FAM174B: variants seen among roughly 807,000 people sequenced by gnomAD.
The protein encoded by FAM174B is family with sequence similarity 174 member B.
FAM174B carries 12 observed loss-of-function variants against 10.9 expected under a neutral mutation model. That is an observed-to-expected ratio of 1.10 (90% CI 0.71 to 1.79). The LOEUF (loss-of-function observed/expected upper bound fraction) is 1.79, where lower values mean the gene tolerates loss of function less well. Among genes scored for constraint, FAM174B ranks in the 40% most tolerant of loss-of-function variants. The pLI, the probability that FAM174B is intolerant of heterozygous loss-of-function variation, is 0.00. For synonymous variants in FAM174B, 132 were observed against 115.8 expected, an observed-to-expected ratio of 1.14 and a Z score of -0.90; for missense variants, 266 against 233.3, an observed-to-expected ratio of 1.14 and a Z score of -0.91.
At chr15:92,626,774 C>T (rs533641651) in intron 2 of FAM174B, among the ~76,000 whole-genome samples, 2 of 152,092 alleles carry the variant, frequency 1.3e-5, no homozygotes, top group East Asian at 1.9e-4. Context: ...AAGTGCTGGC[C>T]GGGCGCCATG....
At chr15:92,640,320 G>A (rs1307583213) in intron 1 of FAM174B, among the ~76,000 whole-genome samples, 2 of 152,092 alleles carry the variant, frequency 1.3e-5, no homozygotes, top group African/African-American at 4.8e-5. Flanking sequence ...GGGAGGCTGA[G>A]GTGGGCAGAT....
At chr15:92,636,081 C>T (rs1000088523) in intron 1 of FAM174B, among the ~76,000 whole-genome samples, 3 of 152,258 alleles carry the variant, frequency 2.0e-5, no homozygotes, top group Non-Finnish European at 4.4e-5. Context: ...AGAGTGCATT[C>T]GAAGCCTAAA....
chr15:92,620,312 C>T (rs1186788377), intron 2 of FAM174B, among the ~76,000 whole-genome samples: 1 of 152,192 alleles, frequency 6.6e-6, no homozygotes, highest in African/African-American at 2.4e-5. Flanking sequence ...TCCTGGCTAA[C>T]ATGGTGAAAC....
intron 1 of FAM174B, among the ~76,000 whole-genome samples, chr15:92,647,698 C>A (rs2050937847): frequency 6.6e-6 from 1 of 152,142 alleles, no homozygotes; most frequent in East Asian, 1.9e-4. Flanking sequence ...AGACAGCAGG[C>A]CCTGAAGGAA....
At chr15:92,629,329 C>T (rs766872275) in intron 2 of FAM174B, among the ~76,000 whole-genome samples, 3 of 152,314 alleles carry the variant, frequency 2.0e-5, no homozygotes, top group Non-Finnish European at 4.4e-5. Context: ...TCAAAATGAT[C>T]TGAAAACCCA....
chr15:92,630,995 A>G (rs1382250775), intron 1 of FAM174B, among the ~76,000 whole-genome samples: 3 of 976 alleles, frequency 3.1e-3, no homozygotes, highest in African/African-American at 3.4e-3. Context: ...TATATTACGT[A>G]TTACATATTA....
chr15:92,631,589 G>C (rs926617200), intron 1 of FAM174B, among the ~76,000 whole-genome samples: 1 of 140,168 alleles, frequency 7.1e-6, no homozygotes, highest in African/African-American at 2.7e-5. Flanking sequence ...CCGCCTCCCG[G>C]GTTCACACCA....
intron 1 of FAM174B, among the ~76,000 whole-genome samples, chr15:92,647,775 G>C (rs990829837): frequency 6.6e-6 from 1 of 152,180 alleles, no homozygotes; most frequent in Non-Finnish European, 1.5e-5. Flanking sequence ...TCTTTTGTGG[G>C]AAAATTTTTG....
intron 2 of FAM174B, among the ~76,000 whole-genome samples, chr15:92,620,540 C>T (rs1156598908): frequency 6.6e-6 from 1 of 151,712 alleles, no homozygotes; most frequent in Non-Finnish European, 1.5e-5. Flanking sequence ...TGTGGCCAGG[C>T]TTGGTGGCTT....
chr15:92,621,595 A>C (rs2050719706), intron 2 of FAM174B, among the ~76,000 whole-genome samples: 1 of 143,192 alleles, frequency 7.0e-6, no homozygotes, highest in South Asian at 2.3e-4. Flanking sequence ...TGGGTGACAG[A>C]GCAAGATCGT....
At chr15:92,647,261 C>G (rs868121757) in intron 1 of FAM174B, among the ~76,000 whole-genome samples, 3 of 152,194 alleles carry the variant, frequency 2.0e-5, no homozygotes, top group African/African-American at 7.2e-5. Context: ...CCTCTTCTTC[C>G]TCCCATCCTG....
At chr15:92,644,883 C>CGG (rs2050915824) in intron 1 of FAM174B, among the ~76,000 whole-genome samples, 1 of 152,246 alleles carries the variant, frequency 6.6e-6, no homozygotes, top group Non-Finnish European at 1.5e-5. Context: ...CATGTATCCC[C>CGG]ACCTGTCAAA....
In FAM174B at chr15:92,634,914, G is replaced by A. The variant is rs142417476; in HGVS notation, c.345-4569C>T. ...CTCCTGTCTAACTGCCTTCCAACTGGGACATCAGTTTTTTTCCTGCCTTGG... is the reference window on the plus strand; with the variant it reads ...CTCCTGTCTAACTGCCTTCCAACTGAGACATCAGTTTTTTTCCTGCCTTGG... On this transcript the variant is annotated intron_variant, in intron 1 of 2. Transcript: ENST00000327355. Among the ~76,000 whole-genome samples, 424 of 151,552 alleles carry A rather than the reference G, an allele frequency of 2.8e-3. 2 individuals carry two copies. The highest frequency in any genetic ancestry group is 4.9e-3 in the Non-Finnish European group (332 of 67,726).
At chr15:92,630,740 A>AT (rs1259214344) in intron 1 of FAM174B, among the ~76,000 whole-genome samples, 2 of 93,604 alleles carry the variant, frequency 2.1e-5, no homozygotes, top group African/African-American at 8.6e-5. Flanking sequence ...ATAATTATAT[A>AT]TTTTTTATAT....
At chr15:92,630,440 T>C (rs560241471) in intron 1 of FAM174B, 95 bp from the exon 2 acceptor site, 1 of 1,197,572 alleles carries the variant, frequency 8.4e-7, no homozygotes, top group African/African-American at 1.5e-5. Flanking sequence ...ACTTAGCAGC[T>C]GGTGTTTAGT....
Position 92,620,613 on chromosome 15 carries a change from G to A in FAM174B, c.477-1154C>T, listed in dbSNP as rs574532020. Among the ~76,000 whole-genome samples, 301 of 152,202 alleles carry A rather than the reference G, an allele frequency of 2.0e-3. 3 individuals are homozygous for A. Among genetic ancestry groups the A allele is most frequent in the African/African-American group, 6.6e-3 (274 of 41,536 alleles). ...GTGGATCACTTGAGGTAAGGGGTTC[G>A]AGACCAGCCTGGCCAACAAGGTGAA... is the stretch of plus-strand genomic sequence containing the variant. On this transcript the variant is annotated intron_variant, in intron 2 of 2. Coordinates refer to ENST00000327355, the MANE Select transcript of FAM174B (RefSeq NM_207446.3).
In FAM174B at chr15:92,655,494, G is replaced by A. The variant is rs1361650625; in HGVS notation, c.166C>T (p.Arg56Trp). The A allele has an allele frequency of 1.0e-5, 16 of 1,528,662 alleles. No homozygotes were observed. The highest frequency in any genetic ancestry group is 1.0e-4 in the Admixed American group (5 of 48,298). 94.7% of individuals were successfully genotyped at this position (1,528,662 alleles called of 1,614,324 possible). ...CCGCCCGCCGCCCCAGACCCAAACCGGGTGGTGTTCCCGGGCCCCGGGCCG... is the reference window on the plus strand; with the variant it reads ...CCGCCCGCCGCCCCAGACCCAAACCAGGTGGTGTTCCCGGGCCCCGGGCCG... ...PPGPGPGNTT[R>W]FGSGAAGGSG... The change falls in exon 1 of 3, where the codon CGG (arginine) becomes TGG (tryptophan). Residue 56 changes from arginine (R) to tryptophan (W), a missense_variant. Coordinates refer to ENST00000327355, the MANE Select transcript of FAM174B (RefSeq NM_207446.3).
At chr15:92,642,181 A>T (rs577200470) in intron 1 of FAM174B, among the ~76,000 whole-genome samples, 1 of 152,246 alleles carries the variant, frequency 6.6e-6, no homozygotes, top group Admixed American at 6.5e-5. Context: ...TGGTGAGGAT[A>T]TAAGAAATCA....
intron 2 of FAM174B, among the ~76,000 whole-genome samples, chr15:92,627,861 T>A (rs1238146778): frequency 6.6e-6 from 1 of 152,222 alleles, no homozygotes; most frequent in Non-Finnish European, 1.5e-5. Context: ...TTCTTTGTAT[T>A]GAATGTGAGA....
Sources: allele counts gnomAD v4.1 joint callset (sites outside exome capture counted in the v4.1 genomes callset), GRCh38; gene constraint gnomAD v4.1.1; transcripts MANE v1.5; gene names NCBI Gene and HGNC (gene_info 2026-07-23, HGNC 2026-07-21).